CHCHD3: variants seen among roughly 807,000 people sequenced by gnomAD.
CHCHD3 encodes the protein MICOS complex subunit MIC19.
In CHCHD3, 20 loss-of-function variants were observed where a neutral mutation model predicts 38.2. The ratio of observed to expected loss-of-function variants is 0.52; its 90% CI spans 0.37 to 0.76. The LOEUF is 0.76. Among genes scored for constraint, CHCHD3 ranks in the 30% least tolerant of loss-of-function variants. The pLI, the probability that CHCHD3 is intolerant of heterozygous loss-of-function variation, is 0.00. For synonymous variants in CHCHD3, 82 were observed against 100.0 expected (o/e 0.82, Z 1.07); for missense variants, 245 against 279.2 (o/e 0.88, Z 0.87).
At chr7:132,838,599 G>C in intron 5 of CHCHD3, 130 bp from the exon 6 acceptor site, 1 of 635,944 alleles carries the variant, frequency 1.6e-6, no homozygotes, top group Non-Finnish European at 2.8e-6. Flanking sequence ...TCTTGTATAG[G>C]TGGCATGGAT....
intron 6 of CHCHD3, among the ~76,000 whole-genome samples, chr7:132,834,933 CT>C (rs958135827): frequency 2.0e-5 from 3 of 151,284 alleles, no homozygotes; most frequent in African/African-American, 4.9e-5. Context: ...ATAGCAATTT[CT>C]TTTTTTTCCT....
At chr7:132,930,363 C>A (rs1291165595) in intron 4 of CHCHD3, among the ~76,000 whole-genome samples, 2 of 151,748 alleles carry the variant, frequency 1.3e-5, no homozygotes, top group Non-Finnish European at 2.9e-5. Flanking sequence ...GAGAGTGGGT[C>A]TCACCATGTT....
At chr7:133,060,713 A>G (rs145049205) in intron 2 of CHCHD3, among the ~76,000 whole-genome samples, 3,457 of 152,290 alleles carry the variant, frequency 0.023, 130 homozygotes, top group African/African-American at 0.079. Context: ...GTTCGAGACC[A>G]GCCTGGCCAA....
intron 6 of CHCHD3, among the ~76,000 whole-genome samples, chr7:132,810,510 A>C (rs529843605): frequency 3.3e-5 from 5 of 152,228 alleles, no homozygotes; most frequent in Non-Finnish European, 5.9e-5. Flanking sequence ...AATTGGCTTA[A>C]CATTCTAGTC....
chr7:132,866,173 A>C (rs1448448663), intron 5 of CHCHD3, among the ~76,000 whole-genome samples: 1 of 152,118 alleles, frequency 6.6e-6, no homozygotes, highest in Non-Finnish European at 1.5e-5. Context: ...AGAACACTGA[A>C]CCAGAGGGCC....
At chr7:132,877,791 T>G (rs1432713244) in intron 5 of CHCHD3, among the ~76,000 whole-genome samples, 1 of 152,076 alleles carries the variant, frequency 6.6e-6, no homozygotes, top group Non-Finnish European at 1.5e-5. Context: ...GATCTCCACA[T>G]GAATGAAGAA....
intron 4 of CHCHD3, among the ~76,000 whole-genome samples, chr7:132,966,765 T>A (rs1811474319): frequency 6.6e-6 from 1 of 152,196 alleles, no homozygotes; most frequent in Admixed American, 6.5e-5. Context: ...ATTCAAAACA[T>A]AATGTGCAAA....
chr7:132,931,544 A>T (rs1245935251), intron 4 of CHCHD3, among the ~76,000 whole-genome samples: 1 of 152,212 alleles, frequency 6.6e-6, no homozygotes, highest in Non-Finnish European at 1.5e-5. Flanking sequence ...CAAAGTATTA[A>T]AACTAGATTT....
chr7:132,868,129 G>A (rs186470401), intron 5 of CHCHD3, among the ~76,000 whole-genome samples: 191 of 152,194 alleles, frequency 1.3e-3, no homozygotes, highest in Non-Finnish European at 1.9e-3. Flanking sequence ...TGACTTAAGG[G>A]ATTAAAAATA....
chr7:132,987,505 C>T (rs1042082173), intron 3 of CHCHD3, among the ~76,000 whole-genome samples: 1 of 152,148 alleles, frequency 6.6e-6, no homozygotes, highest in Non-Finnish European at 1.5e-5. Flanking sequence ...AGACACCACA[C>T]CAGACGAATT....
chr7:133,075,818 G>A (rs970012827), intron 1 of CHCHD3, among the ~76,000 whole-genome samples: 9 of 152,112 alleles, frequency 5.9e-5, no homozygotes, highest in Non-Finnish European at 1.3e-4. Context: ...CCAGCACTTT[G>A]GGAGGCCAAG....
chr7:132,942,324 G>A (rs1279125836), intron 4 of CHCHD3, among the ~76,000 whole-genome samples: 1 of 152,142 alleles, frequency 6.6e-6, no homozygotes, highest in Non-Finnish European at 1.5e-5. Context: ...ATGTGTAACA[G>A]TTTAATGGAG....
rs755923692 is a variant in CHCHD3 at position 132,883,927 on chromosome 7, A to C, written c.453+1735T>G. On this transcript the variant is annotated intron_variant, in intron 5 of 7. Coordinates refer to ENST00000262570, the MANE Select transcript of CHCHD3 (RefSeq NM_017812.4). ...ATCTTCACCTGTGGAAAAACCTTCT[A>C]GTTATAAAAGCCATAAACCTAGAGT... Among the ~76,000 whole-genome samples, 107 of 152,294 alleles carry C rather than the reference A, an allele frequency of 7.0e-4. 1 individual carries two copies. The highest frequency in any genetic ancestry group is 2.3e-3 in the Admixed American group (35 of 15,290).
intron 4 of CHCHD3, among the ~76,000 whole-genome samples, chr7:132,891,558 G>T (rs1219898989): frequency 6.6e-6 from 1 of 152,188 alleles, no homozygotes; most frequent in Non-Finnish European, 1.5e-5. Flanking sequence ...TTTGGTGCTT[G>T]TTTTGTCTTC....
intron 3 of CHCHD3, among the ~76,000 whole-genome samples, chr7:133,012,820 G>A (rs1349926467): frequency 8.3e-6 from 1 of 120,830 alleles, no homozygotes; most frequent in Non-Finnish European, 1.8e-5. Context: ...GAGAGGGGAG[G>A]GGAAGGGAGG....
chr7:132,947,996 G>T lies in CHCHD3; in HGVS notation c.369+27173C>A, dbSNP rs141748770. On this transcript the variant is annotated intron_variant, in intron 4 of 7. Transcript: ENST00000262570. ...CAGTTGAAAGACACAACCATTGGGG[G>T]GAAAAAGTCACAAATACAAAAATAA... 3.5e-3 allele frequency among the ~76,000 whole-genome samples: 528 copies of T among 152,044 alleles called. 3 individuals are homozygous for T. Among genetic ancestry groups the T allele is most frequent in the African/African-American group, 0.012 (506 of 41,512 alleles).
chr7:133,062,035 CCAGGGAGG>C (rs1275463231), intron 2 of CHCHD3, among the ~76,000 whole-genome samples: 4 of 151,928 alleles, frequency 2.6e-5, no homozygotes, highest in Non-Finnish European at 5.9e-5. Context: ...TCTGAATAAA[CCAGGGAGG>C]CAGGAGAGGG....
chr7:132,812,344 G>T (rs879515653), intron 6 of CHCHD3, among the ~76,000 whole-genome samples: 4 of 150,418 alleles, frequency 2.7e-5, no homozygotes, highest in Non-Finnish European at 5.9e-5. Context: ...CCAGTAGCTG[G>T]GATTACAGGT....
intron 4 of CHCHD3, among the ~76,000 whole-genome samples, chr7:132,895,482 C>T (rs1809470773): frequency 6.6e-6 from 1 of 152,248 alleles, no homozygotes; most frequent in Non-Finnish European, 1.5e-5. Flanking sequence ...TGGAAAACCA[C>T]AGGTTTAAGA....
Sources: gnomAD v4.1 joint callset for allele counts (sites outside exome capture counted in the v4.1 genomes callset) on GRCh38, gnomAD v4.1.1 for gene constraint, MANE v1.5 for transcripts, NCBI Gene and HGNC (gene_info 2026-07-23, HGNC 2026-07-21) for gene names.